Variants in PAK1 observed in about 807,000 individuals in gnomAD.
PAK1 encodes serine/threonine-protein kinase PAK 1.
PAK1 carries 29 observed loss-of-function variants against 67.4 expected under a neutral mutation model. The ratio of observed to expected loss-of-function variants is 0.43; its 90% CI spans 0.32 to 0.59. The LOEUF is 0.59. Ranked by LOEUF, PAK1 falls within the 20% of genes least tolerant of loss-of-function variation. The probability of loss-of-function intolerance (pLI) is 0.07; values close to 1 mark genes in which losing one functional copy is unlikely to be tolerated. For synonymous variants in PAK1, 223 were observed against 237.4 expected (o/e 0.94, Z 0.56); for missense variants, 337 against 670.7 (o/e 0.50, Z 5.50).
intron 12 of PAK1, among the ~76,000 whole-genome samples, chr11:77,336,922 T>A (rs1286730102): frequency 6.6e-6 from 1 of 151,904 alleles, no homozygotes; most frequent in Non-Finnish European, 1.5e-5. Flanking sequence ...TGTCCTCATA[T>A]CCCTAGAAGG....
the PAK1 span, among the ~76,000 whole-genome samples, chr11:77,492,306 G>T: frequency 1.3e-5 from 2 of 151,462 alleles, no homozygotes; most frequent in South Asian, 4.2e-4. Context: ...CTGCACACCA[G>T]CCTGGGCAAC....
At chr11:77,326,769 G>T (rs1036666336) in intron 14 of PAK1, among the ~76,000 whole-genome samples, 2 of 152,158 alleles carry the variant, frequency 1.3e-5, no homozygotes, top group African/African-American at 4.8e-5. Context: ...CACCAGCAAC[G>T]GAACAAAGCT....
At position 77,349,197 on chromosome 11, in the gene PAK1, GA is replaced by G. The variant is rs534351677; in HGVS notation, c.885+41del. ...GCTAAAAATTAATCCCAAATAAAAA[GA>G]AACAGAACTAAAGGAGCAACAGTGG... On this transcript the variant is annotated intron_variant, in intron 9 of 14. Coordinates refer to ENST00000356341, the MANE Select transcript of PAK1 (RefSeq NM_002576.5). 1.9e-4 allele frequency: 272 copies of G among 1,406,132 alleles called. 4 individuals are homozygous for G. In the South Asian group the frequency reaches 3.2e-3, roughly 16 times the overall value. The allele number at this position is 1,406,132 out of a possible 1,614,324, so 87.1% of individuals were successfully genotyped here.
intron 5 of PAK1, among the ~76,000 whole-genome samples, chr11:77,366,206 C>CA (rs1274729115): frequency 6.6e-6 from 1 of 152,120 alleles, no homozygotes; most frequent in Non-Finnish European, 1.5e-5. Context: ...AAGAAATACT[C>CA]AAAGAAGCCC....
chr11:77,461,736 A>G (rs1366564938), intron 1 of PAK1, among the ~76,000 whole-genome samples: 1 of 152,252 alleles, frequency 6.6e-6, no homozygotes, highest in Non-Finnish European at 1.5e-5. Flanking sequence ...AAATTGATTC[A>G]AAAGTTTGTG....
chr11:77,351,055 T>G (rs368394241), intron 8 of PAK1, among the ~76,000 whole-genome samples: 1 of 152,146 alleles, frequency 6.6e-6, no homozygotes, highest in Admixed American at 6.5e-5. Context: ...ATTAGACATA[T>G]GAATTCCAAG....
chr11:77,364,419 A>G (rs1947221966), intron 5 of PAK1, among the ~76,000 whole-genome samples: 1 of 152,210 alleles, frequency 6.6e-6, no homozygotes, highest in Non-Finnish European at 1.5e-5. Flanking sequence ...CCAGGCTGCA[A>G]CAAAACAAAA....
chr11:77,442,295 G>T lies in PAK1; in HGVS notation c.-22+31257C>A, dbSNP rs565919351. ...GTCCTCTCCCACAGGGTTGGTCTAT[G>T]TGACTGAAAGAATACAACAGAAGTG... On this transcript the variant is annotated intron_variant, in intron 1 of 14. Coordinates refer to ENST00000356341, the MANE Select transcript of PAK1 (RefSeq NM_002576.5). Among the ~76,000 whole-genome samples the T allele has an allele frequency of 4.1e-4, 63 of 152,284 alleles. No homozygotes were observed. In the South Asian group the frequency reaches 0.01, roughly 25 times the overall value.
At chr11:77,348,119 A>C (rs1215533802) in intron 9 of PAK1, among the ~76,000 whole-genome samples, 1 of 152,194 alleles carries the variant, frequency 6.6e-6, no homozygotes, top group Non-Finnish European at 1.5e-5. Flanking sequence ...ACCCCTATTA[A>C]CCATGACTTC....
intron 9 of PAK1, chr11:77,347,053 A>C (rs111903057): frequency 2.2e-6 from 1 of 456,102 alleles, no homozygotes; most frequent in Admixed American, 2.3e-5. Context: ...AGAGCATCCC[A>C]TGGACTCCAA....
intron 1 of PAK1, among the ~76,000 whole-genome samples, chr11:77,398,548 T>G (rs531693926): frequency 2.6e-5 from 4 of 152,240 alleles, no homozygotes; most frequent in Non-Finnish European, 5.9e-5. Flanking sequence ...TACTCCATTG[T>G]GCATATACAC....
At chr11:77,455,453 A>G (rs914925806) in intron 1 of PAK1, among the ~76,000 whole-genome samples, 4 of 152,224 alleles carry the variant, frequency 2.6e-5, no homozygotes, top group Admixed American at 6.5e-5. Flanking sequence ...AACAAACTGC[A>G]GCAGAGGCAG....
chr11:77,409,102 A>AC, intron 1 of PAK1, among the ~76,000 whole-genome samples: 1 of 142,758 alleles, frequency 7.0e-6, no homozygotes. Context: ...ACACTTCTAA[A>AC]AAAAAAAAAT....
At chr11:77,462,884 A>G (rs1330424214) in intron 1 of PAK1, among the ~76,000 whole-genome samples, 1 of 145,452 alleles carries the variant, frequency 6.9e-6, no homozygotes, top group Non-Finnish European at 1.5e-5. Context: ...AGTCATGTGG[A>G]CCACAGTTTG....
chr11:77,379,871 C>T (rs777700186), intron 3 of PAK1, 23 bp downstream of exon 3: 1 of 1,509,346 alleles, frequency 6.6e-7, no homozygotes, highest in African/African-American at 1.4e-5. Flanking sequence ...AGACTAAAGA[C>T]CTTTCTGTGA....
At chr11:77,384,315 C>A (rs144080635) in intron 2 of PAK1, among the ~76,000 whole-genome samples, 165 of 152,222 alleles carry the variant, frequency 1.1e-3, no homozygotes, top group African/African-American at 3.9e-3. Context: ...GAAAATAAAG[C>A]AAACCTAGGA....
intron 8 of PAK1, among the ~76,000 whole-genome samples, chr11:77,351,757 AAAG>A (rs777720783): frequency 1.3e-5 from 2 of 152,112 alleles, no homozygotes; most frequent in South Asian, 2.1e-4. Flanking sequence ...TTAAAAAAAA[AAAG>A]AAAATTTCAA....
chr11:77,425,181 G>C (rs910161067), intron 1 of PAK1, among the ~76,000 whole-genome samples: 5 of 151,622 alleles, frequency 3.3e-5, no homozygotes, highest in African/African-American at 1.2e-4. Context: ...GAGGTCCACT[G>C]TGTCATCAAA....
intron 1 of PAK1, among the ~76,000 whole-genome samples, chr11:77,402,894 C>T (rs537991806): frequency 6.6e-6 from 1 of 152,194 alleles, no homozygotes; most frequent in African/African-American, 2.4e-5. Flanking sequence ...CATGATCACT[C>T]AAACTCTCAT....
Sources: allele counts gnomAD v4.1 joint callset (sites outside exome capture counted in the v4.1 genomes callset), GRCh38; gene constraint gnomAD v4.1.1; transcripts MANE v1.5; gene names NCBI Gene and HGNC (gene_info 2026-07-23, HGNC 2026-07-21).